Variants in GLOD4 observed in about 807,000 individuals in gnomAD.
GLOD4 encodes the protein glyoxalase domain containing 4, also known as glyoxalase domain-containing protein 4.
Under a neutral mutation model 39.1 loss-of-function variants are expected in GLOD4, and 44 were observed. The observed-to-expected ratio is 1.13, with a 90% confidence interval of 0.88 to 1.45. GLOD4 has a LOEUF of 1.45. Among genes scored for constraint, GLOD4 ranks in the 40% most tolerant of loss-of-function variants. The probability of loss-of-function intolerance (pLI) is 0.00; values close to 1 mark genes in which losing one functional copy is unlikely to be tolerated. For missense variants in GLOD4, 405 were observed against 366.4 expected, an observed-to-expected ratio of 1.11 and a Z score of -0.86; for synonymous variants, 145 against 135.0, an observed-to-expected ratio of 1.07 and a Z score of -0.52.
At chr17:773,581 A>C (rs1908372888) in intron 4 of GLOD4, among the ~76,000 whole-genome samples, 1 of 152,122 alleles carries the variant, frequency 6.6e-6, no homozygotes, top group Non-Finnish European at 1.5e-5. Flanking sequence ...AAAGAATAAA[A>C]GTCATATTGA....
At chr17:782,065 C>A (rs1910063352) in intron 1 of GLOD4, 101 bp downstream of exon 1, 2 of 811,072 alleles carry the variant, frequency 2.5e-6, no homozygotes, top group African/African-American at 3.4e-5. Flanking sequence ...CACCCTCCGG[C>A]TTAGGTTCAC....
upstream of GLOD4, chr17:782,835 T>C (rs1910219124): frequency 2.0e-6 from 2 of 979,392 alleles, no homozygotes; most frequent in Admixed American, 5.8e-5. Context: ...ATAAGCGTCT[T>C]TGGAATTAGC....
chr17:778,091 C>T (rs1021421625), intron 2 of GLOD4, among the ~76,000 whole-genome samples: 17 of 152,314 alleles, frequency 1.1e-4, no homozygotes, highest in Non-Finnish European at 2.1e-4. Context: ...CCATGCCCTG[C>T]CCTGTGTATC....
upstream of GLOD4, chr17:783,371 C>G: frequency 6.6e-7 from 1 of 1,514,394 alleles, no homozygotes. Flanking sequence ...TTGTCTTGTT[C>G]TGTCACCCAG....
At chr17:766,229 C>T (rs532385014) in intron 8 of GLOD4, among the ~76,000 whole-genome samples, 68 of 151,446 alleles carry the variant, frequency 4.5e-4, no homozygotes, top group Non-Finnish European at 8.0e-4. Flanking sequence ...ACATAGGAGG[C>T]GGAGGTTGCA....
At chr17:782,372 A>G, upstream of GLOD4, 2 of 1,613,514 alleles carry the variant, frequency 1.2e-6, no homozygotes, top group Non-Finnish European at 8.5e-7. Context: ...CCCGGGTCTC[A>G]GGGAACATGG....
chr17:762,951 C>A (rs530055244), intron 8 of GLOD4, among the ~76,000 whole-genome samples: 1 of 151,798 alleles, frequency 6.6e-6, no homozygotes, highest in Non-Finnish European at 1.5e-5. Flanking sequence ...CCGAGGCAGG[C>A]GGATCACGAG....
chr17:760,289 G>C (rs1905224906), intron 8 of GLOD4, 51 bp from the exon 9 acceptor site: 1 of 976,244 alleles, frequency 1.0e-6, no homozygotes, highest in East Asian at 2.4e-5. Flanking sequence ...AAAAACAAAA[G>C]ACATAGCCCA....
At chr17:776,283 A>C (rs560991548) in intron 3 of GLOD4, among the ~76,000 whole-genome samples, 1 of 152,354 alleles carries the variant, frequency 6.6e-6, no homozygotes, top group African/African-American at 2.4e-5. Flanking sequence ...AACAAAACAA[A>C]AATAAGCAAA....
intron 8 of GLOD4, among the ~76,000 whole-genome samples, chr17:766,279 CAG>C (rs1403259777): frequency 2.0e-5 from 3 of 151,550 alleles, no homozygotes; most frequent in African/African-American, 7.3e-5. Flanking sequence ...GCCTCGGTGA[CAG>C]AGAGAGACCC....
At position 782,245 on chromosome 17, in the gene GLOD4, C is replaced by A. The variant is rs1284823811; in HGVS notation, c.11G>T (p.Arg4Leu). The change falls in exon 1 of 9, where the codon CGC becomes CTC. Residue 4 changes from arginine to leucine, a missense_variant. Transcript: ENST00000301329. MAA[R>L]RALHFVFKVG... ...TTTGAATACGAAGTGCAGAGCTCTGCGAGCAGCCATGATTCCCGCCGCACG... is the reference window on the plus strand; with the variant it reads ...TTTGAATACGAAGTGCAGAGCTCTGAGAGCAGCCATGATTCCCGCCGCACG... 1.9e-6 allele frequency: 3 copies of A among 1,613,216 alleles called. No individual in the cohort carries two copies. The highest frequency in any genetic ancestry group is 2.5e-6 in the Non-Finnish European group (3 of 1,179,686).
chr17:769,829 C>T, intron 8 of GLOD4, 40 bp downstream of exon 8: 1 of 1,169,528 alleles, frequency 8.6e-7, no homozygotes, highest in Non-Finnish European at 1.3e-6. Flanking sequence ...TGCCATCCCT[C>T]TCAGGCCCAT....
chr17:769,500 G>C (rs1355925402), intron 8 of GLOD4, among the ~76,000 whole-genome samples: 1 of 149,688 alleles, frequency 6.7e-6, no homozygotes, highest in Non-Finnish European at 1.5e-5. Flanking sequence ...TCCATGCAGA[G>C]AGCTGAGGGG....
intron 5 of GLOD4, 199 bp from the exon 6 acceptor site, chr17:770,706 T>C (rs1279083284): frequency 9.3e-6 from 4 of 428,436 alleles, no homozygotes; most frequent in African/African-American, 8.0e-5. Flanking sequence ...TTTTTTTTTT[T>C]ACACAAATGG....
chr17:762,600 TA>T (rs1905691897), intron 8 of GLOD4, among the ~76,000 whole-genome samples: 1 of 143,080 alleles, frequency 7.0e-6, no homozygotes. Flanking sequence ...TGAAGGGGAA[TA>T]ATTATTTCAT....
chr17:775,139 CA>C (rs1908676998), intron 4 of GLOD4, among the ~76,000 whole-genome samples: 1 of 147,894 alleles, frequency 6.8e-6, no homozygotes, highest in Non-Finnish European at 1.5e-5. Flanking sequence ...AGCGTGGTGG[CA>C]GGCGCCTATA....
At chr17:783,924 A>G (rs902928008), upstream of GLOD4, among the ~76,000 whole-genome samples, 21 of 152,188 alleles carry the variant, frequency 1.4e-4, no homozygotes, top group African/African-American at 5.1e-4. Flanking sequence ...GCGTTTACTG[A>G]AAGATTGAGC....
At chr17:771,299 G>C (rs1444952911) in intron 5 of GLOD4, 26 bp downstream of exon 5, 6 of 1,514,900 alleles carry the variant, frequency 4.0e-6, no homozygotes, top group Non-Finnish European at 5.4e-6. Flanking sequence ...CAAAGTAACA[G>C]GTTATTCTTC....
In GLOD4 at chr17:776,859, G is replaced by A. The variant is rs778877234; in HGVS notation, c.261+9C>T. 8.7e-6 allele frequency: 14 copies of A among 1,609,490 alleles called. No homozygotes were observed. Among genetic ancestry groups the A allele is most frequent in the South Asian group, 4.4e-5 (4 of 90,976 alleles). ...AGCCAAAACTCTGCTAGAAAAAAAC[G>A]GTATTTACCATAAAGTCATTGCCAA... On this transcript the variant is annotated intron_variant, in intron 3 of 8. Transcript: ENST00000301329.
Sources: allele counts gnomAD v4.1 joint callset (sites outside exome capture counted in the v4.1 genomes callset), GRCh38; gene constraint gnomAD v4.1.1; transcripts MANE v1.5; gene names NCBI Gene and HGNC (gene_info 2026-07-23, HGNC 2026-07-21).